RARB: variants seen among roughly 807,000 people sequenced by gnomAD.
The protein encoded by RARB is retinoic acid receptor beta.
In RARB, 17 loss-of-function variants were observed where a neutral mutation model predicts 51.9. The observed-to-expected ratio is 0.33, with a 90% CI of 0.22 to 0.49. The LOEUF (loss-of-function observed/expected upper bound fraction) is 0.49. Among genes scored for constraint, RARB ranks in the 20% least tolerant of loss-of-function variants. RARB has a pLI of 0.99. For missense variants in RARB, 369 were observed against 550.8 expected, an observed-to-expected ratio of 0.67 and a Z score of 3.30; for synonymous variants, 215 against 195.4, an observed-to-expected ratio of 1.10 and a Z score of -0.84.
intron 5 of RARB, among the ~76,000 whole-genome samples, chr3:25,182,992 C>A (rs145016710): frequency 6.6e-6 from 1 of 152,090 alleles, no homozygotes; most frequent in South Asian, 2.1e-4. Context: ...AACATTCCCC[C>A]CACAGCTCTT....
intron 2 of RARB, among the ~76,000 whole-genome samples, chr3:25,028,968 G>T (rs941923739): frequency 2.0e-5 from 3 of 152,118 alleles, no homozygotes; most frequent in African/African-American, 4.8e-5. Flanking sequence ...CCTGTTTGCC[G>T]CTGGCAAAGG....
Position 24,851,637 on chromosome 3 carries a change from TA to T in RARB, c.-458-7036del, listed in dbSNP as rs562112356. On this transcript the variant is annotated intron_variant, in intron 1 of 11. Coordinates refer to the RARB transcript ENST00000383772. ...TGTTTTTTAAGCACTCAAACATGAATAGCAGTTGTCAGAATTTACATCTTTT... is the reference window on the plus strand; with the variant it reads ...TGTTTTTTAAGCACTCAAACATGAATGCAGTTGTCAGAATTTACATCTTTT... 1.8e-4 allele frequency among the ~76,000 whole-genome samples: 28 copies of T among 152,322 alleles called. 1 individual carries two copies. The East Asian group carries it at 5.4e-3, about 29-fold the overall frequency.
chr3:25,033,593 C>G (rs1053038962), intron 2 of RARB, among the ~76,000 whole-genome samples: 2 of 152,148 alleles, frequency 1.3e-5, no homozygotes, highest in Non-Finnish European at 2.9e-5. Flanking sequence ...TGTTGACAAT[C>G]AGGTCAACAG....
rs566014000 is a variant in RARB at position 25,216,095 on chromosome 3, A to G, written c.178+41520A>G. On this transcript the variant is annotated intron_variant, in intron 5 of 11. Coordinates refer to the RARB transcript ENST00000383772. ...CAGGTATACATATGTACTTATTGTT[A>G]AAATAACGTAAATGTGTAGTTTCAT... is the stretch of plus-strand genomic sequence containing the variant. Among the ~76,000 whole-genome samples, 3 of 152,292 alleles carry G rather than the reference A, an allele frequency of 2.0e-5. No individual in the cohort carries two copies. In the East Asian group the frequency reaches 5.8e-4, roughly 29 times the overall value.
At chr3:25,367,635 G>A (rs1414555111) in intron 5 of RARB, among the ~76,000 whole-genome samples, 1 of 138,448 alleles carries the variant, frequency 7.2e-6, no homozygotes, top group Non-Finnish European at 1.5e-5. Context: ...AAGCAACATG[G>A]TAAAAACCCA....
At chr3:24,879,297 C>T (rs552918460) in intron 2 of RARB, among the ~76,000 whole-genome samples, 8 of 151,944 alleles carry the variant, frequency 5.3e-5, no homozygotes, top group Middle Eastern at 3.4e-3. Flanking sequence ...GGCGTGGTGG[C>T]GGGCGCCTGT....
intron 5 of RARB, among the ~76,000 whole-genome samples, chr3:25,188,415 C>G (rs1458286127): frequency 6.6e-6 from 1 of 152,070 alleles, no homozygotes; most frequent in Admixed American, 6.6e-5. Flanking sequence ...AACCAAATAT[C>G]CTAGCTAAAT....
rs144704234 is a variant in RARB at position 25,122,832 on chromosome 3, A to G, written c.-327-9329A>G. ...ACACAGAATATTCTCACATTTCCCA[A>G]GGGAAGAAACCCAAAATGCCCCAAA... On this transcript the variant is annotated intron_variant, in intron 3 of 11. Transcript: ENST00000383772. 2.2e-4 allele frequency among the ~76,000 whole-genome samples: 33 copies of G among 152,280 alleles called. No individual in the cohort carries two copies. The East Asian group carries it at 6.2e-3, about 29-fold the overall frequency.
chr3:25,403,539 T>C (rs1034212300), intron 5 of RARB, among the ~76,000 whole-genome samples: 1 of 152,162 alleles, frequency 6.6e-6, no homozygotes, highest in African/African-American at 2.4e-5. Flanking sequence ...TGACCTCAAC[T>C]TTGCCTTTAA....
intron 2 of RARB, among the ~76,000 whole-genome samples, chr3:25,477,631 G>A (rs1211294341): frequency 6.6e-6 from 1 of 152,164 alleles, no homozygotes; most frequent in Non-Finnish European, 1.5e-5. Context: ...TATTATGTAA[G>A]TAAGACAGAG....
chr3:24,859,772 C>T (rs756496167), intron 2 of RARB, among the ~76,000 whole-genome samples: 5 of 152,136 alleles, frequency 3.3e-5, no homozygotes, highest in Non-Finnish European at 7.4e-5. Flanking sequence ...TTTTTGTGGG[C>T]CATATGGTCT....
At chr3:25,227,751 C>T (rs894453541) in intron 5 of RARB, among the ~76,000 whole-genome samples, 3 of 152,068 alleles carry the variant, frequency 2.0e-5, no homozygotes, top group Admixed American at 2.0e-4. Context: ...ACATGGGAAC[C>T]AGTCTCAGTG....
At chr3:25,102,935 C>T (rs958917286) in intron 3 of RARB, among the ~76,000 whole-genome samples, 1 of 152,120 alleles carries the variant, frequency 6.6e-6, no homozygotes, top group African/African-American at 2.4e-5. Flanking sequence ...CCTGTAATCC[C>T]AGCTACTTGG....
At chr3:25,150,211 A>T (rs1700261856) in intron 4 of RARB, among the ~76,000 whole-genome samples, 1 of 152,164 alleles carries the variant, frequency 6.6e-6, no homozygotes, top group South Asian at 2.1e-4. Flanking sequence ...AAAAAAAAAA[A>T]AAAATTGTTA....
At chr3:25,459,997 T>A (rs1416726330) in intron 1 of RARB, among the ~76,000 whole-genome samples, 2 of 152,250 alleles carry the variant, frequency 1.3e-5, no homozygotes, top group Admixed American at 6.5e-5. Context: ...CCCGTTCTTA[T>A]ATTTTGTGAA....
intron 5 of RARB, among the ~76,000 whole-genome samples, chr3:25,209,114 A>T (rs1701632251): frequency 6.6e-6 from 1 of 152,222 alleles, no homozygotes; most frequent in African/African-American, 2.4e-5. Context: ...AATATATGTG[A>T]GTCCACAGAC....
At chr3:25,247,127 G>T (rs1160667748) in intron 5 of RARB, among the ~76,000 whole-genome samples, 1 of 152,192 alleles carries the variant, frequency 6.6e-6, no homozygotes, top group Non-Finnish European at 1.5e-5. Context: ...ACTGCGAGGG[G>T]AAAATCGCCT....
intron 2 of RARB, among the ~76,000 whole-genome samples, chr3:24,935,657 TAGAGTA>T (rs1695533483): frequency 1.3e-5 from 2 of 152,200 alleles, no homozygotes; most frequent in Non-Finnish European, 2.9e-5. Flanking sequence ...TGCCATATGT[TAGAGTA>T]AGACGACTTA....
chr3:24,930,096 A>AT (rs1480720879), intron 2 of RARB, among the ~76,000 whole-genome samples: 6 of 152,080 alleles, frequency 3.9e-5, no homozygotes, highest in Non-Finnish European at 5.9e-5. Flanking sequence ...TAATAGCGGG[A>AT]TTTTTTTATT....
Sources: allele counts gnomAD v4.1 joint callset (sites outside exome capture counted in the v4.1 genomes callset), GRCh38; gene constraint gnomAD v4.1.1; transcripts MANE v1.5; gene names NCBI Gene and HGNC (gene_info 2026-07-23, HGNC 2026-07-21).